Variants in KCTD1 observed in about 807,000 individuals in gnomAD.
KCTD1 encodes potassium channel tetramerization domain containing 1, also known as BTB/POZ domain-containing protein KCTD1.
Under a neutral mutation model 66.0 loss-of-function variants are expected in KCTD1, and 24 were observed. The observed-to-expected ratio is 0.36, with a 90% CI of 0.26 to 0.51. The LOEUF is 0.51. Ranked by LOEUF, KCTD1 falls within the 20% of genes least tolerant of loss-of-function variation. KCTD1 has a pLI of 0.95. For synonymous variants in KCTD1, 511 were observed against 517.2 expected (o/e 0.99, Z 0.16); for missense variants, 943 against 1,205.2 (o/e 0.78, Z 3.22).
intron 1 of KCTD1, among the ~76,000 whole-genome samples, chr18:26,627,410 C>A (rs1487621164): frequency 6.6e-6 from 1 of 152,002 alleles, no homozygotes; most frequent in Non-Finnish European, 1.5e-5. Context: ...TAGATTGAAC[C>A]ATGTACAATT....
At chr18:26,469,196 G>T (rs992623796) in intron 3 of KCTD1, among the ~76,000 whole-genome samples, 4 of 151,890 alleles carry the variant, frequency 2.6e-5, no homozygotes, top group Admixed American at 6.6e-5. Context: ...CTCAAGCGTG[G>T]GTTACAGCTA....
intron 1 of KCTD1, among the ~76,000 whole-genome samples, chr18:26,538,795 TG>T: frequency 6.6e-6 from 1 of 152,332 alleles, no homozygotes; most frequent in East Asian, 1.9e-4. Context: ...CCCAGAGATC[TG>T]GGCAGAGCTG....
chr18:26,511,974 C>T (rs1329619790), intron 1 of KCTD1, among the ~76,000 whole-genome samples: 6 of 152,178 alleles, frequency 3.9e-5, no homozygotes, highest in African/African-American at 1.4e-4. Context: ...TTTAGCAGGA[C>T]ACATCGGCCT....
chr18:26,605,943 A>G (rs1368454719), intron 1 of KCTD1, among the ~76,000 whole-genome samples: 1 of 152,206 alleles, frequency 6.6e-6, no homozygotes, highest in African/African-American at 2.4e-5. Context: ...AGTCCTGACA[A>G]CATGTGCCCA....
chr18:26,480,276 A>G (rs1200624489), intron 2 of KCTD1, among the ~76,000 whole-genome samples: 1 of 152,126 alleles, frequency 6.6e-6, no homozygotes, highest in African/African-American at 2.4e-5. Flanking sequence ...TTCCTGGTTA[A>G]TTTTGTTTCA....
At chr18:26,482,010 C>A (rs923214705) in intron 2 of KCTD1, among the ~76,000 whole-genome samples, 1 of 152,186 alleles carries the variant, frequency 6.6e-6, no homozygotes, top group Admixed American at 6.5e-5. Context: ...TGTGAAGGAT[C>A]TCCAGGACAA....
intron 1 of KCTD1, among the ~76,000 whole-genome samples, chr18:26,568,456 C>T (rs867188136): frequency 1.3e-5 from 2 of 151,866 alleles, no homozygotes; most frequent in Admixed American, 6.6e-5. Flanking sequence ...AGGCTGGTCT[C>T]GAACTCCTGG....
upstream of KCTD1, among the ~76,000 whole-genome samples, chr18:26,551,487 C>T (rs1223740387): frequency 6.6e-6 from 1 of 152,114 alleles, no homozygotes; most frequent in Non-Finnish European, 1.5e-5. Flanking sequence ...AACTGTGGAT[C>T]TGCTTCGTTG....
intron 1 of KCTD1, among the ~76,000 whole-genome samples, chr18:26,589,487 A>C (rs1431498458): frequency 2.0e-5 from 3 of 152,242 alleles, no homozygotes; most frequent in African/African-American, 7.2e-5. Flanking sequence ...GGGCCAGGCT[A>C]TCTGAAATTC....
intron 1 of KCTD1, among the ~76,000 whole-genome samples, chr18:26,636,543 T>C (rs549306700): frequency 1.3e-5 from 2 of 152,300 alleles, no homozygotes; most frequent in East Asian, 3.9e-4. Flanking sequence ...CCATTGAGAG[T>C]GCTCTCTGAA....
chr18:26,544,666 A>G (rs576811665), intron 1 of KCTD1: 3 of 152,112 alleles, frequency 2.0e-5, no homozygotes, highest in Non-Finnish European at 4.4e-5. Flanking sequence ...CTAGGCATTA[A>G]GCCCCAGGAA....
At chr18:26,647,504 A>G (rs375720084) in intron 1 of KCTD1, among the ~76,000 whole-genome samples, 44 of 128,080 alleles carry the variant, frequency 3.4e-4, no homozygotes, top group African/African-American at 1.2e-3. Context: ...TGGGAAACAG[A>G]GTGAGACTCC....
At chr18:26,540,272 T>C (rs1218932275) in intron 1 of KCTD1, among the ~76,000 whole-genome samples, 1 of 152,236 alleles carries the variant, frequency 6.6e-6, no homozygotes, top group Non-Finnish European at 1.5e-5. Context: ...TTAGCATTCC[T>C]TTCTGAACTC....
At chr18:26,649,412 C>A (rs1987986607) in intron 1 of KCTD1, among the ~76,000 whole-genome samples, 1 of 152,194 alleles carries the variant, frequency 6.6e-6, no homozygotes, top group African/African-American at 2.4e-5. Context: ...TGCCCCACAG[C>A]CCAGGAAGAA....
chr18:26,459,491 C>T lies in KCTD1; in HGVS notation c.2439+129G>A, dbSNP rs370567596. On this transcript the variant is annotated intron_variant, in intron 4 of 4. Coordinates refer to ENST00000580059, the MANE Select transcript of KCTD1 (RefSeq NM_001142730.3). ...GACTGCTATAGAGGGTGATAATTCA[C>T]CTACCCAACAGAAGTGTCACTGAGT... is the stretch of plus-strand genomic sequence containing the variant. The T allele has an allele frequency of 9.5e-6, 8 of 844,866 alleles. No individual in the cohort carries two copies. In the East Asian group the frequency reaches 1.0e-4, roughly 11 times the overall value. 52.3% of individuals were successfully genotyped at this position (844,866 alleles called of 1,614,324 possible). A position where few individuals can be genotyped will look rare whatever the true frequency, so the allele number is the denominator to read the frequency against.
At chr18:26,608,985 T>A (rs1987076430) in intron 1 of KCTD1, among the ~76,000 whole-genome samples, 1 of 152,216 alleles carries the variant, frequency 6.6e-6, no homozygotes, top group South Asian at 2.1e-4. Context: ...TAAATTATGA[T>A]GCTTGTTTTA....
rs113083472 is a variant in KCTD1 at position 26,579,045 on chromosome 18, G to GT, written c.-16+50101dup. ...TACAGGATGTGTTTTTACCTGTTTT[G>GT]TTTTTTTTTTCAGTCCGCCAAATAC... is the stretch of plus-strand genomic sequence containing the variant. On this transcript the variant is annotated intron_variant, in intron 1 of 4. Transcript: ENST00000317932. Among the ~76,000 whole-genome samples, 183 of 148,424 alleles carry GT rather than the reference G, an allele frequency of 1.2e-3. 2 individuals are homozygous for GT. Among genetic ancestry groups the GT allele is most frequent in the African/African-American group, 3.8e-3 (153 of 40,468 alleles).
intron 1 of KCTD1, among the ~76,000 whole-genome samples, chr18:26,521,071 G>A (rs1215014051): frequency 6.6e-6 from 1 of 152,238 alleles, no homozygotes; most frequent in Non-Finnish European, 1.5e-5. Context: ...AGAAGGCAAA[G>A]CTGCTGGGGG....
At chr18:26,654,156 G>A (rs1988085172) in intron 1 of KCTD1, among the ~76,000 whole-genome samples, 1 of 152,158 alleles carries the variant, frequency 6.6e-6, no homozygotes, top group South Asian at 2.1e-4. Context: ...ATTGCTAAAT[G>A]CAGAGCTAAA....
Sources: gnomAD v4.1 joint callset for allele counts (sites outside exome capture counted in the v4.1 genomes callset) on GRCh38, gnomAD v4.1.1 for gene constraint, MANE v1.5 for transcripts, NCBI Gene and HGNC (gene_info 2026-07-23, HGNC 2026-07-21) for gene names.